ARID5B: variants seen among roughly 807,000 people sequenced by gnomAD.
ARID5B encodes the protein AT-rich interaction domain 5B.
ARID5B carries 13 observed loss-of-function variants against 97.2 expected under a neutral mutation model. That is an observed-to-expected ratio of 0.13 (90% CI 0.09 to 0.21). ARID5B has a LOEUF of 0.21. Among genes scored for constraint, ARID5B ranks in the 10% least tolerant of loss-of-function variants. ARID5B has a pLI of 1.00. For synonymous variants in ARID5B, 556 were observed against 570.3 expected (o/e 0.97, Z 0.36); for missense variants, 1,210 against 1,465.3 (o/e 0.83, Z 2.84).
At chr10:62,083,614 A>G (rs1015364591) in intron 8 of ARID5B, among the ~76,000 whole-genome samples, 6 of 152,230 alleles carry the variant, frequency 3.9e-5, no homozygotes, top group Admixed American at 3.3e-4. Flanking sequence ...GGGTGGTACC[A>G]GCAAATTGCT....
At chr10:62,006,163 TG>T (rs1839143763) in intron 4 of ARID5B, among the ~76,000 whole-genome samples, 1 of 152,194 alleles carries the variant, frequency 6.6e-6, no homozygotes, top group East Asian at 1.9e-4. Flanking sequence ...CTAACCAGGC[TG>T]GGCGTGGTGG....
chr10:62,087,140 A>C (rs564982480), intron 9 of ARID5B, among the ~76,000 whole-genome samples: 3 of 151,628 alleles, frequency 2.0e-5, no homozygotes, highest in African/African-American at 4.8e-5. Flanking sequence ...TCTACTAAAA[A>C]TACAAAAAAT....
At chr10:62,041,225 G>A (rs1839633713) in intron 4 of ARID5B, among the ~76,000 whole-genome samples, 1 of 152,114 alleles carries the variant, frequency 6.6e-6, no homozygotes, top group Non-Finnish European at 1.5e-5. Flanking sequence ...TGAGGTTCTT[G>A]GTACCACAGA....
intron 9 of ARID5B, among the ~76,000 whole-genome samples, chr10:62,086,901 A>G (rs1052867452): frequency 2.6e-5 from 4 of 151,660 alleles, no homozygotes; most frequent in African/African-American, 7.3e-5. Flanking sequence ...GGACCTTGGA[A>G]CTGTGGTGCT....
At position 62,092,961 on chromosome 10, in the gene ARID5B, T is replaced by C. The variant is rs773184834; in HGVS notation, c.3498T>C (p.Ala1166=). The change falls in exon 10 of 10, where the codon GCT becomes GCC. Residue 1166 remains alanine (A), a synonymous_variant. Coordinates refer to ENST00000279873, the MANE Select transcript of ARID5B (RefSeq NM_032199.3). ...DLLHNSIYPL[A]AINPQAAFPS... ...TGCATAACAGCATTTACCCTTTAGC[T>C]GCTATAAATCCTCAAGCTGCCTTTC... The C allele has an allele frequency of 8.1e-6, 13 of 1,614,124 alleles. 1 individual carries two copies. In the Admixed American group the frequency reaches 2.2e-4, roughly 27 times the overall value.
intron 3 of ARID5B, among the ~76,000 whole-genome samples, chr10:61,987,166 T>G (rs980879089): frequency 2.0e-5 from 3 of 152,056 alleles, no homozygotes; most frequent in Admixed American, 6.6e-5. Context: ...GTTAGGTGTC[T>G]CCCATTGGCT....
At chr10:61,974,959 T>G (rs1041362301) in intron 3 of ARID5B, among the ~76,000 whole-genome samples, 1 of 149,392 alleles carries the variant, frequency 6.7e-6, no homozygotes, top group African/African-American at 2.6e-5. Context: ...TTATTACACA[T>G]TTTCAGTTTT....
At chr10:62,059,206 G>A (rs1589278534) in intron 6 of ARID5B, 37 bp from the exon 7 acceptor site, 1 of 1,514,962 alleles carries the variant, frequency 6.6e-7, no homozygotes, top group East Asian at 2.3e-5. Context: ...GTATGTTAAT[G>A]CAATGCTTAT....
chr10:61,967,635 A>G (rs1838564443), intron 3 of ARID5B, among the ~76,000 whole-genome samples: 1 of 152,246 alleles, frequency 6.6e-6, no homozygotes, highest in South Asian at 2.1e-4. Context: ...TCTTTCAGCT[A>G]GATGATTTGT....
chr10:62,053,887 C>G (rs768314015), intron 5 of ARID5B, among the ~76,000 whole-genome samples: 2 of 152,182 alleles, frequency 1.3e-5, no homozygotes, highest in Non-Finnish European at 2.9e-5. Flanking sequence ...CAGGGATTAT[C>G]ATTTTTGCTT....
intron 8 of ARID5B, among the ~76,000 whole-genome samples, chr10:62,070,438 A>G (rs1840048888): frequency 6.6e-6 from 1 of 152,140 alleles, no homozygotes; most frequent in Non-Finnish European, 1.5e-5. Context: ...ACCGTTAAAG[A>G]CCAGTTAGCA....
intron 3 of ARID5B, among the ~76,000 whole-genome samples, chr10:61,994,630 C>A (rs1838972232): frequency 6.6e-6 from 1 of 152,172 alleles, no homozygotes; most frequent in South Asian, 2.1e-4. Flanking sequence ...CCACCCCCAG[C>A]CCAACTCTGA....
rs369792859 is a variant in ARID5B, at chr10:61,908,799, C to CAAAAA, written c.276+6405_276+6409dup. Among the ~76,000 whole-genome samples, 475 of 50,830 alleles carry CAAAAA rather than the reference C, an allele frequency of 9.3e-3. 17 individuals are homozygous for CAAAAA. The highest frequency in any genetic ancestry group is 0.011 in the African/African-American group (132 of 12,284). The allele number at this position is 50,830 out of a possible 152,430, so 33.3% of individuals were successfully genotyped here. On this transcript the variant is annotated intron_variant, in intron 2 of 9. Coordinates refer to ENST00000279873, the MANE Select transcript of ARID5B (RefSeq NM_032199.3). ...TGGGCAACAGAGCAAGACTCCATCTCAAAAAAAAAAAAAAAAAAAAAAAGA... is the reference window on the plus strand; with the variant it reads ...TGGGCAACAGAGCAAGACTCCATCTCAAAAAAAAAAAAAAAAAAAAAAAAAAAAGA...
At chr10:62,062,558 G>C (rs1839934313) in intron 7 of ARID5B, among the ~76,000 whole-genome samples, 1 of 152,116 alleles carries the variant, frequency 6.6e-6, no homozygotes, top group Non-Finnish European at 1.5e-5. Flanking sequence ...CCCTATCTAA[G>C]TCAAGTATCA....
At chr10:62,066,154 C>A (rs1564641595) in intron 7 of ARID5B, among the ~76,000 whole-genome samples, 1 of 152,194 alleles carries the variant, frequency 6.6e-6, no homozygotes, top group Non-Finnish European at 1.5e-5. Context: ...ACAATTAAAG[C>A]ATGTTAATAC....
At chr10:62,062,779 CAAAAAAAAAAAA>C (rs55969343) in intron 7 of ARID5B, among the ~76,000 whole-genome samples, 22 of 86,206 alleles carry the variant, frequency 2.6e-4, no homozygotes, top group African/African-American at 9.0e-4. Context: ...GGCCTTTGTG[CAAAAAAAAAAAA>C]AAAAAAAAAA....
At chr10:61,940,631 G>T (rs906855473) in intron 3 of ARID5B, among the ~76,000 whole-genome samples, 3 of 151,866 alleles carry the variant, frequency 2.0e-5, no homozygotes, top group Admixed American at 6.6e-5. Flanking sequence ...TTGTGCTGGG[G>T]TGATACAGTG....
intron 2 of ARID5B, 132 bp from the exon 3 acceptor site, chr10:61,940,051 A>G (rs1019658944): frequency 3.7e-5 from 26 of 703,328 alleles, no homozygotes; most frequent in African/African-American, 2.8e-4. Context: ...CTGTGTCACC[A>G]GAATGCACAC....
chr10:62,059,212 C>T, intron 6 of ARID5B, 31 bp from the exon 7 acceptor site: 1 of 1,553,948 alleles, frequency 6.4e-7, no homozygotes, highest in Non-Finnish European at 8.8e-7. Flanking sequence ...TAATGCAATG[C>T]TTATCTAAAT....
Sources: gnomAD v4.1 joint callset for allele counts (sites outside exome capture counted in the v4.1 genomes callset) on GRCh38, gnomAD v4.1.1 for gene constraint, MANE v1.5 for transcripts, NCBI Gene and HGNC (gene_info 2026-07-23, HGNC 2026-07-21) for gene names.